Variants in NRXN3 observed in about 807,000 individuals in gnomAD.
NRXN3 encodes neurexin III.
Under a neutral mutation model 137.6 loss-of-function variants are expected in NRXN3, and 32 were observed. The observed-to-expected ratio is 0.23, with a 90% CI of 0.18 to 0.31. The LOEUF is 0.31. Among genes scored for constraint, NRXN3 ranks in the 10% least tolerant of loss-of-function variants. The pLI is 1.00. For missense variants in NRXN3, 1,574 were observed against 2,062.5 expected (o/e 0.76, Z 4.59); for synonymous variants, 798 against 784.5 (o/e 1.02, Z -0.29).
chr14:79,365,682 G>A (rs1488909215), intron 15 of NRXN3, among the ~76,000 whole-genome samples: 1 of 134,400 alleles, frequency 7.4e-6, no homozygotes. Flanking sequence ...TTGCGCCACT[G>A]CAGTCCGCAG....
intron 19 of NRXN3, among the ~76,000 whole-genome samples, chr14:79,791,484 AATT>A (rs1454077445): frequency 2.7e-5 from 4 of 146,374 alleles, no homozygotes; most frequent in Non-Finnish European, 4.5e-5. Flanking sequence ...ATATTGTAAT[AATT>A]ATAATTAATT....
Position 78,176,925 on chromosome 14 carries a change from G to A in NRXN3, c.-704+6251G>A, listed in dbSNP as rs74063950. On this transcript the variant is annotated intron_variant, in intron 1 of 20. Coordinates refer to ENST00000335750, the MANE Select transcript of NRXN3 (RefSeq NM_001330195.2). ...CAGAGCTAGAGGTCAGGGTTTCATG[G>A]CTCGAAGAAGACTGGTGGGCTATAT... Among the ~76,000 whole-genome samples the A allele has an allele frequency of 5.7e-3, 864 of 152,194 alleles. 5 individuals carry two copies. Among genetic ancestry groups the A allele is most frequent in the African/African-American group, 0.02 (841 of 41,506 alleles).
intron 15 of NRXN3, among the ~76,000 whole-genome samples, chr14:79,431,007 A>G (rs2095743992): frequency 6.6e-6 from 1 of 152,206 alleles, no homozygotes; most frequent in Non-Finnish European, 1.5e-5. Context: ...GAGCACACAG[A>G]AATTACCATC....
intron 4 of NRXN3, among the ~76,000 whole-genome samples, chr14:78,560,270 G>T (rs969144343): frequency 6.6e-6 from 1 of 152,200 alleles, no homozygotes; most frequent in Non-Finnish European, 1.5e-5. Flanking sequence ...GAACATACTG[G>T]ATTTTTCCCC....
chr14:79,513,033 A>G (rs1272642612), intron 16 of NRXN3, among the ~76,000 whole-genome samples: 2 of 152,234 alleles, frequency 1.3e-5, no homozygotes, highest in African/African-American at 4.8e-5. Context: ...AATGATGCCA[A>G]AATAGCACAG....
chr14:79,265,554 A>G (rs912709301), intron 15 of NRXN3, among the ~76,000 whole-genome samples: 2 of 152,184 alleles, frequency 1.3e-5, no homozygotes, highest in African/African-American at 4.8e-5. Context: ...CCATTCAGCA[A>G]TGAGTCAAGC....
At chr14:79,069,126 C>A (rs2099684311) in intron 15 of NRXN3, among the ~76,000 whole-genome samples, 1 of 151,916 alleles carries the variant, frequency 6.6e-6, no homozygotes, top group Non-Finnish European at 1.5e-5. Context: ...GCACTGTTGG[C>A]TAAATATGAA....
intron 4 of NRXN3, among the ~76,000 whole-genome samples, chr14:78,390,111 A>G (rs979443928): frequency 2.6e-5 from 4 of 152,198 alleles, no homozygotes; most frequent in Non-Finnish European, 2.9e-5. Flanking sequence ...GCTTTACAGT[A>G]AAGATTAACA....
intron 16 of NRXN3, among the ~76,000 whole-genome samples, chr14:79,609,077 C>T (rs910105077): frequency 3.9e-5 from 6 of 152,094 alleles, no homozygotes; most frequent in Non-Finnish European, 7.4e-5. Context: ...AGTTCCTGAT[C>T]GTTTTTCATA....
intron 16 of NRXN3, among the ~76,000 whole-genome samples, chr14:79,589,789 C>A (rs1350617935): frequency 6.6e-6 from 1 of 152,200 alleles, no homozygotes; most frequent in African/African-American, 2.4e-5. Flanking sequence ...AAATTGCTCA[C>A]TCTTAATGAG....
intron 15 of NRXN3, among the ~76,000 whole-genome samples, chr14:79,245,377 G>C (rs1021473441): frequency 1.3e-5 from 2 of 152,130 alleles, no homozygotes; most frequent in Non-Finnish European, 2.9e-5. Flanking sequence ...AAGAGAAAGG[G>C]AGAGACCATG....
rs188084433 is a variant in NRXN3, at chr14:79,582,699, A to C, written c.3445-81079A>C. Among the ~76,000 whole-genome samples the C allele has an allele frequency of 3.3e-5, 5 of 152,246 alleles. No individual in the cohort carries two copies. The East Asian group carries it at 9.7e-4, about 29-fold the overall frequency. On this transcript the variant is annotated intron_variant, in intron 16 of 20. Transcript: ENST00000335750. ...CTCCCAAAGTGCTGGGATTACATGC[A>C]TGAGTCCCCACTGGATTTGATCTTT...
At chr14:79,324,022 G>A (rs1052933806) in intron 15 of NRXN3, among the ~76,000 whole-genome samples, 6 of 152,258 alleles carry the variant, frequency 3.9e-5, no homozygotes, top group South Asian at 4.1e-4. Flanking sequence ...TGTTAAGCAC[G>A]AAGAGTGTGG....
chr14:79,095,310 C>A (rs1019446030), intron 15 of NRXN3, among the ~76,000 whole-genome samples: 2 of 152,104 alleles, frequency 1.3e-5, no homozygotes, highest in African/African-American at 4.8e-5. Flanking sequence ...TCTATAATTT[C>A]TTTCTTTCCC....
intron 14 of NRXN3, among the ~76,000 whole-genome samples, chr14:78,986,557 A>G (rs2099505649): frequency 6.6e-6 from 1 of 152,214 alleles, no homozygotes; most frequent in Non-Finnish European, 1.5e-5. Flanking sequence ...AGGTAAATTT[A>G]CTTGTAAGTT....
chr14:78,818,487 G>A (rs1479853488), intron 10 of NRXN3, among the ~76,000 whole-genome samples: 1 of 151,960 alleles, frequency 6.6e-6, no homozygotes, highest in Non-Finnish European at 1.5e-5. Flanking sequence ...AATTAACCAA[G>A]GAGTGAATTT....
intron 16 of NRXN3, among the ~76,000 whole-genome samples, chr14:79,477,365 C>G (rs1281947560): frequency 6.6e-6 from 1 of 152,086 alleles, no homozygotes; most frequent in Admixed American, 6.6e-5. Flanking sequence ...AGTTCTGCCT[C>G]CAACTAGTTC....
intron 15 of NRXN3, among the ~76,000 whole-genome samples, chr14:79,125,708 A>G (rs1016113366): frequency 1.3e-5 from 2 of 152,148 alleles, no homozygotes; most frequent in African/African-American, 2.4e-5. Context: ...CTTCTCCTGA[A>G]TTAGTCTTAG....
At chr14:79,664,067 A>G in intron 17 of NRXN3, 118 bp downstream of exon 17, 2 of 1,047,070 alleles carry the variant, frequency 1.9e-6, no homozygotes, top group Non-Finnish European at 1.4e-6. Context: ...GTACACATTC[A>G]TGATTTTTTT....
Sources: allele counts gnomAD v4.1 joint callset (sites outside exome capture counted in the v4.1 genomes callset), GRCh38; gene constraint gnomAD v4.1.1; transcripts MANE v1.5; gene names NCBI Gene and HGNC (gene_info 2026-07-23, HGNC 2026-07-21).